FDFT1: variants seen among roughly 807,000 people sequenced by gnomAD.
FDFT1 encodes farnesyl-diphosphate farnesyltransferase 1.
In FDFT1, 68 loss-of-function variants were observed where a neutral mutation model predicts 46.8. That is an observed-to-expected ratio of 1.45 (90% CI 1.19 to 1.78). The LOEUF (loss-of-function observed/expected upper bound fraction) is 1.78, where lower values mean the gene tolerates loss of function less well. Among genes scored for constraint, FDFT1 ranks in the 40% most tolerant of loss-of-function variants. The pLI is 0.00. For missense variants in FDFT1, 928 were observed against 524.4 expected, an observed-to-expected ratio of 1.77 and a Z score of -7.52; for synonymous variants, 351 against 185.1, an observed-to-expected ratio of 1.90 and a Z score of -7.28.
chr8:11,829,932 C>CCGCCCCCTAGGTTCAAGCA (rs1810540335), intron 5 of FDFT1, among the ~76,000 whole-genome samples: 1 of 151,616 alleles, frequency 6.6e-6, no homozygotes, highest in African/African-American at 2.4e-5. Context: ...ACTGCAACCT[C>CCGCCCCCTAGGTTCAAGCA]CGCCCCCTAG....
intron 1 of FDFT1, chr8:11,807,879 C>G (rs908221143): frequency 1.3e-5 from 2 of 152,368 alleles, no homozygotes; most frequent in East Asian, 1.9e-4. Flanking sequence ...AGAAAAACTA[C>G]TGCAGTAAGA....
At chr8:11,830,048 A>G (rs1323145778) in intron 5 of FDFT1, among the ~76,000 whole-genome samples, 196 bp from the exon 6 acceptor site, 8 of 151,990 alleles carry the variant, frequency 5.3e-5, no homozygotes, top group East Asian at 1.9e-4. Flanking sequence ...GGGTTTCACC[A>G]CCTTGGCCAG....
rs1314661869 is a variant in FDFT1, at chr8:11,809,697, C to G, written c.228C>G (p.Leu76=). 3.1e-6 allele frequency: 5 copies of G among 1,613,470 alleles called. No individual in the cohort carries two copies. Among genetic ancestry groups the G allele is most frequent in the Non-Finnish European group, 4.2e-6 (5 of 1,179,748 alleles). The change falls in exon 3 of 8, where the codon CTC becomes CTG. Residue 76 remains leucine, a synonymous_variant. Coordinates refer to ENST00000220584, the MANE Select transcript of FDFT1 (RefSeq NM_004462.5). ...CAGTGTGCATATTTTATCTGGTTCT[C>G]CGAGCTCTGGACACACTGGAAGATG... is the stretch of plus-strand genomic sequence containing the variant. ...RNAVCIFYLV[L]RALDTLEDDM...
At chr8:11,815,538 C>T (rs900006243) in intron 3 of FDFT1, among the ~76,000 whole-genome samples, 1 of 152,172 alleles carries the variant, frequency 6.6e-6, no homozygotes, top group African/African-American at 2.4e-5. Flanking sequence ...TCTGTTGTTT[C>T]CTGACTTTTT....
intron 6 of FDFT1, 39 bp from the exon 7 acceptor site, chr8:11,831,476 ACAT>A (rs769404500): frequency 1.9e-6 from 3 of 1,571,382 alleles, no homozygotes; most frequent in Non-Finnish European, 2.6e-6. Flanking sequence ...ATAGCTAACG[ACAT>A]CATTTCTTCT....
At chr8:11,821,182 C>G (rs1056743784) in intron 3 of FDFT1, among the ~76,000 whole-genome samples, 1 of 152,356 alleles carries the variant, frequency 6.6e-6, no homozygotes, top group Admixed American at 6.5e-5. Context: ...GTTGAAGCAT[C>G]TCATTATACA....
At chr8:11,834,548 A>C (rs1482098296) in intron 7 of FDFT1, among the ~76,000 whole-genome samples, 1 of 152,174 alleles carries the variant, frequency 6.6e-6, no homozygotes, top group Non-Finnish European at 1.5e-5. Flanking sequence ...AGCAGCTGCC[A>C]GGAATCACCT....
chr8:11,828,862 GTA>G (rs779926852), intron 5 of FDFT1, among the ~76,000 whole-genome samples: 10 of 152,348 alleles, frequency 6.6e-5, no homozygotes, highest in Non-Finnish European at 1.3e-4. Context: ...TTATCGCCTA[GTA>G]TTATTCCACT....
Position 11,824,036 on chromosome 8 carries a change from A to G in FDFT1, c.511-1988A>G, listed in dbSNP as rs542730810. On this transcript the variant is annotated intron_variant, in intron 4 of 7. Coordinates refer to ENST00000220584, the MANE Select transcript of FDFT1 (RefSeq NM_004462.5). ...TGAGCCACTACACTCAGCCTTTTAA[A>G]ATTTTTTACAGAGATGAGGTCTTGC... 1.3e-4 allele frequency among the ~76,000 whole-genome samples: 19 copies of G among 151,668 alleles called. No homozygotes were observed. In the East Asian group the frequency reaches 3.3e-3, roughly 26 times the overall value.
chr8:11,805,574 C>T (rs1208193466), intron 1 of FDFT1, among the ~76,000 whole-genome samples: 1 of 152,214 alleles, frequency 6.6e-6, no homozygotes, highest in East Asian at 1.9e-4. Flanking sequence ...ACCACAGTTA[C>T]TTCATCTGTA....
chr8:11,802,713 G>C (rs1806280510), upstream of FDFT1: 2 of 780,170 alleles, frequency 2.6e-6, no homozygotes, highest in East Asian at 2.7e-5. Flanking sequence ...CGCCGTACTA[G>C]GCCTGCCCCC....
At chr8:11,821,051 G>A (rs2094536510) in intron 3 of FDFT1, among the ~76,000 whole-genome samples, 1 of 152,168 alleles carries the variant, frequency 6.6e-6, no homozygotes, top group Non-Finnish European at 1.5e-5. Context: ...TATATCCCCA[G>A]TGCCTAGAAT....
chr8:11,805,166 C>G (rs889438225), intron 1 of FDFT1, among the ~76,000 whole-genome samples: 2 of 151,452 alleles, frequency 1.3e-5, no homozygotes, highest in Admixed American at 1.3e-4. Context: ...ATTTTCCCAC[C>G]TCAGCCTTCA....
chr8:11,818,502 T>C (rs1262601164), intron 3 of FDFT1, among the ~76,000 whole-genome samples: 2 of 152,154 alleles, frequency 1.3e-5, no homozygotes, highest in African/African-American at 4.8e-5. Context: ...CTTTAAGTCT[T>C]TTTCTAGGTC....
At position 11,802,840 on chromosome 8, in the gene FDFT1, T is replaced by C. The variant is rs1480516166; in HGVS notation, c.8T>C (p.Phe3Ser). The C allele has an allele frequency of 6.2e-7, 1 of 1,610,096 alleles. No homozygotes were observed. Among genetic ancestry groups the C allele is most frequent in the African/African-American group, 1.3e-5 (1 of 74,762 alleles). ME[F>S]VKCLGHPEEF... ...TCCGCCGCCTGCGCCAGGATGGAGT[T>C]CGTGAAATGCCTTGGCCACCCCGAA... The change falls in exon 1 of 8, where the codon TTC becomes TCC. Residue 3 changes from phenylalanine to serine, a missense_variant. Phe to Ser is a radical substitution (Grantham distance 155). Transcript: ENST00000220584.
chr8:11,825,558 AAAG>A (rs1472108149), intron 4 of FDFT1, among the ~76,000 whole-genome samples: 2 of 151,680 alleles, frequency 1.3e-5, no homozygotes, highest in African/African-American at 4.8e-5. Context: ...AAAAAAAAAA[AAAG>A]TTATTGTAAA....
At chr8:11,805,156 A>G (rs1229760909) in intron 1 of FDFT1, among the ~76,000 whole-genome samples, 7 of 148,692 alleles carry the variant, frequency 4.7e-5, no homozygotes, top group African/African-American at 1.5e-4. Flanking sequence ...AGCTCAAGCG[A>G]TTTTCCCACC....
At chr8:11,802,174 C>T (rs892139502), upstream of FDFT1, 3 of 445,304 alleles carry the variant, frequency 6.7e-6, no homozygotes, top group Admixed American at 4.9e-5. Context: ...ATGGCGGTGG[C>T]GGGCAGGCGA....
At chr8:11,820,649 G>C (rs1046991759) in intron 3 of FDFT1, among the ~76,000 whole-genome samples, 5 of 152,194 alleles carry the variant, frequency 3.3e-5, no homozygotes, top group South Asian at 2.1e-4. Flanking sequence ...CAGCAAGCAA[G>C]GTTCCATGGG....
Sources: allele counts gnomAD v4.1 joint callset (sites outside exome capture counted in the v4.1 genomes callset), GRCh38; gene constraint gnomAD v4.1.1; transcripts MANE v1.5; gene names NCBI Gene and HGNC (gene_info 2026-07-23, HGNC 2026-07-21).